TAFA1: variants seen among roughly 807,000 people sequenced by gnomAD.
TAFA1 encodes chemokine-like protein TAFA-1.
A neutral mutation model predicts 18.5 loss-of-function variants in TAFA1; 4 were observed. The ratio of observed to expected loss-of-function variants is 0.22; its 90% CI spans 0.11 to 0.49. The LOEUF (loss-of-function observed/expected upper bound fraction) is 0.49, where lower values mean the gene tolerates loss of function less well. Ranked by LOEUF, TAFA1 falls within the 20% of genes least tolerant of loss-of-function variation. TAFA1 has a pLI of 0.98. For synonymous variants in TAFA1, 56 were observed against 55.2 expected, an observed-to-expected ratio of 1.01 and a Z score of -0.06; for missense variants, 147 against 169.0, an observed-to-expected ratio of 0.87 and a Z score of 0.72.
At position 68,113,020 on chromosome 3, in the gene TAFA1, T is replaced by A. The variant is rs977563083; in HGVS notation, c.118+106276T>A. 1.1e-4 allele frequency among the ~76,000 whole-genome samples: 17 copies of A among 152,154 alleles called. 1 individual carries two copies. The highest frequency in any genetic ancestry group is 4.8e-5 in the African/African-American group (2 of 41,430). The stretch of plus-strand genomic sequence containing the variant: ...TTTAGATTACTTTTTACACTCAATG[T>A]CGTGTATCAGTAACTTGGCAGGTAG... On this transcript the variant is annotated intron_variant, in intron 2 of 4. Transcript: ENST00000478136.
chr3:68,051,710 A>G lies in TAFA1; in HGVS notation c.118+44966A>G, dbSNP rs146701112. On this transcript the variant is annotated intron_variant, in intron 2 of 4. Transcript: ENST00000478136. ...TAGTATTTCACATGATTTGCAAATT[A>G]TCATCATGATTTCTCTGACTCACAG... is the stretch of plus-strand genomic sequence containing the variant. 4.6e-3 allele frequency among the ~76,000 whole-genome samples: 696 copies of G among 152,260 alleles called. 4 individuals are homozygous for G. Among genetic ancestry groups the G allele is most frequent in the African/African-American group, 0.016 (670 of 41,564 alleles).
At chr3:68,171,737 C>T (rs1401404679) in intron 2 of TAFA1, among the ~76,000 whole-genome samples, 1 of 151,182 alleles carries the variant, frequency 6.6e-6, no homozygotes, top group Non-Finnish European at 1.5e-5. Context: ...TACAAATTGT[C>T]AATAAAGAGA....
At chr3:68,339,104 A>C (rs1395766557) in intron 2 of TAFA1, among the ~76,000 whole-genome samples, 1 of 152,240 alleles carries the variant, frequency 6.6e-6, no homozygotes, top group Non-Finnish European at 1.5e-5. Flanking sequence ...AACCAATATC[A>C]GTGTGATGAG....
intron 3 of TAFA1, among the ~76,000 whole-genome samples, chr3:68,510,129 G>C (rs2072823432): frequency 6.6e-6 from 1 of 152,036 alleles, no homozygotes; most frequent in South Asian, 2.1e-4. Flanking sequence ...TCCCTGCAGT[G>C]CTCTTTCCCA....
chr3:68,443,473 C>CAAAAAAAAAAAAA (rs56944130), intron 3 of TAFA1, among the ~76,000 whole-genome samples: 7 of 96,104 alleles, frequency 7.3e-5, no homozygotes, highest in South Asian at 3.1e-4. Context: ...GGGCAATTTA[C>CAAAAAAAAAAAAA]AAAAAAAAAA....
chr3:68,038,985 A>G (rs1335669364), intron 2 of TAFA1, among the ~76,000 whole-genome samples: 2 of 152,130 alleles, frequency 1.3e-5, no homozygotes, highest in Non-Finnish European at 2.9e-5. Context: ...TGTGACTTTC[A>G]CTGTACATGA....
chr3:68,053,880 T>G (rs896671492), intron 2 of TAFA1, among the ~76,000 whole-genome samples: 1 of 152,052 alleles, frequency 6.6e-6, no homozygotes, highest in Non-Finnish European at 1.5e-5. Flanking sequence ...ATTTTTAAAT[T>G]TTTTTGTAGA....
chr3:68,301,061 G>T (rs943166664), intron 2 of TAFA1, among the ~76,000 whole-genome samples: 1 of 151,970 alleles, frequency 6.6e-6, no homozygotes, highest in Non-Finnish European at 1.5e-5. Context: ...AAAATATTTA[G>T]CACCTTTAGT....
chr3:67,992,138 T>G, the TAFA1 span, among the ~76,000 whole-genome samples: 1 of 152,222 alleles, frequency 6.6e-6, no homozygotes, highest in African/African-American at 2.4e-5. Context: ...CAATGGTCCC[T>G]TCCCCCAGTG....
intron 2 of TAFA1, among the ~76,000 whole-genome samples, chr3:68,102,116 A>T (rs146820863): frequency 9.2e-5 from 14 of 152,096 alleles, no homozygotes; most frequent in African/African-American, 3.1e-4. Context: ...TGACATTTTG[A>T]CTCTGGAAGT....
At chr3:68,218,730 G>A (rs2066692752) in intron 2 of TAFA1, among the ~76,000 whole-genome samples, 1 of 152,116 alleles carries the variant, frequency 6.6e-6, no homozygotes. Flanking sequence ...ATTAACCTGA[G>A]AAACACATTG....
At chr3:68,319,506 T>C (rs2068662884) in intron 2 of TAFA1, among the ~76,000 whole-genome samples, 1 of 152,122 alleles carries the variant, frequency 6.6e-6, no homozygotes, top group Non-Finnish European at 1.5e-5. Flanking sequence ...AGCGAATAAT[T>C]ATTGAGTCCA....
At chr3:68,074,093 G>C (rs1358478380) in intron 2 of TAFA1, among the ~76,000 whole-genome samples, 2 of 152,152 alleles carry the variant, frequency 1.3e-5, no homozygotes, top group Non-Finnish European at 2.9e-5. Flanking sequence ...GGGAGACAGT[G>C]ACAGATCATC....
At position 68,381,082 on chromosome 3, in the gene TAFA1, ACG is replaced by A. The variant is rs2069940609; in HGVS notation, c.119-36197_119-36196del. On this transcript the variant is annotated intron_variant, in intron 2 of 4. Coordinates refer to ENST00000478136, the MANE Select transcript of TAFA1 (RefSeq NM_213609.4). Reference sequence around the variant, plus strand: ...TTTGTCAAAGACCAGATAGTTGTAGACGTGTGGCATTATTTCTGAGGGCTCTG... The same window carrying A: ...TTTGTCAAAGACCAGATAGTTGTAGATGTGGCATTATTTCTGAGGGCTCTG... 1.3e-4 allele frequency among the ~76,000 whole-genome samples: 5 copies of A among 37,820 alleles called. 1 individual carries two copies. The East Asian group carries it at 7.6e-3, about 57-fold the overall frequency. 24.8% of individuals were successfully genotyped at this position (37,820 alleles called of 152,430 possible). A position where few individuals can be genotyped will look rare whatever the true frequency, so the allele number is the denominator to read the frequency against.
At chr3:68,451,552 C>T (rs2071566724) in intron 3 of TAFA1, among the ~76,000 whole-genome samples, 1 of 152,082 alleles carries the variant, frequency 6.6e-6, no homozygotes, top group East Asian at 1.9e-4. Flanking sequence ...AAGTCATATC[C>T]CCATATCCCT....
intron 2 of TAFA1, among the ~76,000 whole-genome samples, chr3:68,169,927 A>G (rs886091367): frequency 1.3e-5 from 2 of 152,202 alleles, no homozygotes; most frequent in African/African-American, 2.4e-5. Context: ...CAGTTTAGAA[A>G]GACCTTTCAA....
At chr3:68,445,854 G>T (rs1051195309) in intron 3 of TAFA1, among the ~76,000 whole-genome samples, 3 of 152,030 alleles carry the variant, frequency 2.0e-5, no homozygotes, top group Non-Finnish European at 4.4e-5. Context: ...ACTACATTTT[G>T]CATACCCTAT....
intron 2 of TAFA1, among the ~76,000 whole-genome samples, chr3:68,230,077 A>T (rs754109856): frequency 5.3e-5 from 8 of 152,166 alleles, no homozygotes; most frequent in Non-Finnish European, 8.8e-5. Context: ...TATAATTGGG[A>T]TATCCATCAC....
chr3:68,080,506 C>T (rs1369706419), intron 2 of TAFA1, among the ~76,000 whole-genome samples: 1 of 151,888 alleles, frequency 6.6e-6, no homozygotes, highest in East Asian at 1.9e-4. Context: ...TAGGGCAGGC[C>T]TGGTGGTGAC....
Sources: gnomAD v4.1 joint callset for allele counts (sites outside exome capture counted in the v4.1 genomes callset) on GRCh38, gnomAD v4.1.1 for gene constraint, MANE v1.5 for transcripts, NCBI Gene and HGNC (gene_info 2026-07-23, HGNC 2026-07-21) for gene names.